The following PAIP2 variants were observed in gnomAD, a reference collection of about 807,000 sequenced individuals.
The protein encoded by PAIP2 is polyadenylate-binding protein-interacting protein 2.
Under a neutral mutation model 14.8 loss-of-function variants are expected in PAIP2, and 7 were observed. The ratio of observed to expected loss-of-function variants is 0.47; its 90% CI spans 0.27 to 0.89. PAIP2 has a LOEUF of 0.89. Among genes scored for constraint, PAIP2 ranks in the 40% least tolerant of loss-of-function variants. The probability of loss-of-function intolerance (pLI) is 0.13; values close to 1 mark genes in which losing one functional copy is unlikely to be tolerated. For synonymous variants in PAIP2, 47 were observed against 45.3 expected, an observed-to-expected ratio of 1.04 and a Z score of -0.15; for missense variants, 122 against 154.7, an observed-to-expected ratio of 0.79 and a Z score of 1.12.
intron 1 of PAIP2, among the ~76,000 whole-genome samples, chr5:139,362,737 T>TA (rs1394155083): frequency 6.7e-6 from 1 of 148,696 alleles, no homozygotes; most frequent in Admixed American, 6.8e-5. Context: ...AGAGACAGGG[T>TA]TTCACCATGT....
intron 1 of PAIP2, among the ~76,000 whole-genome samples, chr5:139,358,594 C>T (rs1756984552): frequency 6.6e-6 from 1 of 150,980 alleles, no homozygotes; most frequent in Non-Finnish European, 1.5e-5. Context: ...TATTAATAGC[C>T]AAAAAGTGGA....
rs1757534691 is a variant in PAIP2, at chr5:139,369,695, A to C, written c.*897A>C. 3 of 152,654 alleles carry C rather than the reference A, an allele frequency of 2.0e-5. No individual in the cohort carries two copies. The highest frequency in any genetic ancestry group is 7.2e-5 in the African/African-American group (3 of 41,464). 9.5% of individuals were successfully genotyped at this position (152,654 alleles called of 1,614,324 possible). ...TTATATTTTTTCAAAAATATTTAAA[A>C]AAATAAATAATAGTAGAACTGAGCA... On this transcript the variant is annotated 3_prime_UTR_variant, in exon 4 of 4. Coordinates refer to ENST00000265192, the MANE Select transcript of PAIP2 (RefSeq NM_016480.5).
At chr5:139,352,448 C>T (rs1317348395) in intron 1 of PAIP2, among the ~76,000 whole-genome samples, 1 of 148,058 alleles carries the variant, frequency 6.8e-6, no homozygotes, top group Non-Finnish European at 1.5e-5. Context: ...TGTAAAAAAC[C>T]TGGGGAAAAA....
intron 3 of PAIP2, among the ~76,000 whole-genome samples, chr5:139,368,117 C>T (rs1273207366): frequency 3.9e-5 from 6 of 152,194 alleles, no homozygotes; most frequent in South Asian, 4.1e-4. Flanking sequence ...GGGCGGATCA[C>T]GAGGTCAGGA....
At chr5:139,366,363 G>A (rs1345207233) in intron 3 of PAIP2, among the ~76,000 whole-genome samples, 6 of 152,114 alleles carry the variant, frequency 3.9e-5, no homozygotes, top group Non-Finnish European at 8.8e-5. Context: ...ATCCCAACAT[G>A]CTCAGTTGTC....
chr5:139,357,620 C>G (rs1442466407), intron 1 of PAIP2, among the ~76,000 whole-genome samples: 3 of 152,052 alleles, frequency 2.0e-5, no homozygotes, highest in Non-Finnish European at 4.4e-5. Context: ...ATCACGAGGT[C>G]AAGAGATCGA....
rs560634620 is a variant in PAIP2, at chr5:139,369,353, T to C, written c.*555T>C. 20 of 152,978 alleles carry C rather than the reference T, an allele frequency of 1.3e-4. No homozygotes were observed. The highest frequency in any genetic ancestry group is 4.8e-4 in the African/African-American group (20 of 41,590). The allele number at this position is 152,978 out of a possible 1,614,324, so 9.5% of individuals were successfully genotyped here. A position where few individuals can be genotyped will look rare whatever the true frequency, so the allele number is the denominator to read the frequency against. On this transcript the variant is annotated 3_prime_UTR_variant, in exon 4 of 4. Coordinates refer to ENST00000265192, the MANE Select transcript of PAIP2 (RefSeq NM_016480.5). ...TTTTCTGGTATGTTATTGTTAGAAA[T>C]ATTGAGTTCTAATGTTACATCTGAG...
chr5:139,363,016 A>C (rs1339941469), intron 1 of PAIP2, among the ~76,000 whole-genome samples: 2 of 152,044 alleles, frequency 1.3e-5, no homozygotes, highest in Non-Finnish European at 2.9e-5. Context: ...CAAGGCAGGC[A>C]GATCATCTGA....
At chr5:139,366,201 T>TA (rs1757240357) in intron 3 of PAIP2, among the ~76,000 whole-genome samples, 1 of 46,520 alleles carries the variant, frequency 2.1e-5, no homozygotes. Context: ...AGACTCCACC[T>TA]CAAAAAAAAA....
chr5:139,353,730 T>A (rs1756823066), intron 1 of PAIP2, among the ~76,000 whole-genome samples: 1 of 151,894 alleles, frequency 6.6e-6, no homozygotes, highest in Non-Finnish European at 1.5e-5. Context: ...TTTCTTTTTT[T>A]TTTTTAAGGC....
chr5:139,364,949 A>G (rs1249864995), intron 3 of PAIP2: 1 of 371,024 alleles, frequency 2.7e-6, no homozygotes, highest in Non-Finnish European at 4.8e-6. Flanking sequence ...GTTTGAGACC[A>G]GCCTGACCAA....
intron 2 of PAIP2, among the ~76,000 whole-genome samples, 169 bp from the exon 3 acceptor site, chr5:139,364,395 A>G (rs1581321942): frequency 1.3e-5 from 2 of 152,182 alleles, no homozygotes; most frequent in East Asian, 3.8e-4. Flanking sequence ...AAAACCCTAA[A>G]CAGATAGATC....
chr5:139,360,289 G>A (rs1396934216), intron 1 of PAIP2, among the ~76,000 whole-genome samples: 1 of 151,782 alleles, frequency 6.6e-6, no homozygotes, highest in Non-Finnish European at 1.5e-5. Flanking sequence ...AGAGGAACTG[G>A]TTATTATTTA....
chr5:139,351,644 CT>C lies in PAIP2; in HGVS notation c.-27+9673del, dbSNP rs930211553. The stretch of plus-strand genomic sequence containing the variant: ...GACGTTTGTATACCTAACTTTTTTT[CT>C]TTTTTTTTGTAAGTAGTGTGTACTT... On this transcript the variant is annotated intron_variant, in intron 1 of 3. Coordinates refer to ENST00000265192, the MANE Select transcript of PAIP2 (RefSeq NM_016480.5). Among the ~76,000 whole-genome samples, 6 of 150,906 alleles carry C rather than the reference CT, an allele frequency of 4.0e-5. No individual in the cohort carries two copies. In the South Asian group the frequency reaches 8.4e-4, roughly 21 times the overall value.
intron 1 of PAIP2, among the ~76,000 whole-genome samples, chr5:139,343,647 T>A (rs1050845517): frequency 6.6e-6 from 1 of 152,164 alleles, no homozygotes; most frequent in African/African-American, 2.4e-5. Flanking sequence ...TTTAAAACAT[T>A]TTCTTGTAAT....
In PAIP2 at chr5:139,360,916, G is replaced by A. The variant is rs533908409; in HGVS notation, c.-26-2843G>A. 1.2e-4 allele frequency among the ~76,000 whole-genome samples: 18 copies of A among 152,000 alleles called. No individual in the cohort carries two copies. In the East Asian group the frequency reaches 2.7e-3, roughly 23 times the overall value. On this transcript the variant is annotated intron_variant, in intron 1 of 3. Coordinates refer to ENST00000265192, the MANE Select transcript of PAIP2 (RefSeq NM_016480.5). ...TTGCCTCAGCCTCCCAGATAGCTGG[G>A]ATTATAGGCATGCACCACCACATCC...
chr5:139,352,952 A>G (rs1756792503), intron 1 of PAIP2, among the ~76,000 whole-genome samples: 1 of 151,840 alleles, frequency 6.6e-6, no homozygotes, highest in Non-Finnish European at 1.5e-5. Flanking sequence ...TCCCGTCTCT[A>G]CTAAAAATAC....
At chr5:139,354,459 A>G (rs538207588) in intron 1 of PAIP2, among the ~76,000 whole-genome samples, 4 of 152,108 alleles carry the variant, frequency 2.6e-5, no homozygotes, top group East Asian at 1.9e-4. Context: ...TTGTCTTTCA[A>G]CAATTCGATT....
intron 1 of PAIP2, chr5:139,342,973 T>A (rs971043914): frequency 2.6e-5 from 4 of 152,182 alleles, no homozygotes; most frequent in African/African-American, 9.7e-5. Context: ...AAGTAGATGT[T>A]CATGTTGGGT....
Sources: allele counts gnomAD v4.1 joint callset (sites outside exome capture counted in the v4.1 genomes callset), GRCh38; gene constraint gnomAD v4.1.1; transcripts MANE v1.5; gene names NCBI Gene and HGNC (gene_info 2026-07-23, HGNC 2026-07-21).